The following PCDH7 variants were observed in gnomAD, a reference collection of about 807,000 sequenced individuals.
PCDH7 encodes the protein protocadherin 7, also known as protocadherin-7.
In PCDH7, 17 loss-of-function variants were observed where a neutral mutation model predicts 58.9. That is an observed-to-expected ratio of 0.29 (90% CI 0.20 to 0.43). PCDH7 has a LOEUF of 0.43. Ranked by LOEUF, PCDH7 falls within the 20% of genes least tolerant of loss-of-function variation. The probability of loss-of-function intolerance (pLI) is 1.00; values close to 1 mark genes in which losing one functional copy is unlikely to be tolerated. For missense variants in PCDH7, 1,274 were observed against 1,441.0 expected, an observed-to-expected ratio of 0.88 and a Z score of 1.88; for synonymous variants, 664 against 616.4, an observed-to-expected ratio of 1.08 and a Z score of -1.14.
At chr4:31,080,574 T>A (rs758386145) in intron 3 of PCDH7, among the ~76,000 whole-genome samples, 1 of 152,186 alleles carries the variant, frequency 6.6e-6, no homozygotes, top group African/African-American at 2.4e-5. Flanking sequence ...TATTGATAAT[T>A]AGAGTAAGAT....
chr4:31,081,700 T>C (rs1759521719), intron 3 of PCDH7, among the ~76,000 whole-genome samples: 1 of 152,126 alleles, frequency 6.6e-6, no homozygotes, highest in Non-Finnish European at 1.5e-5. Context: ...TTTAAGAAAG[T>C]CAAAAGTCAG....
intron 3 of PCDH7, among the ~76,000 whole-genome samples, chr4:30,987,199 C>T (rs1002442357): frequency 6.6e-6 from 1 of 151,970 alleles, no homozygotes; most frequent in Non-Finnish European, 1.5e-5. Flanking sequence ...AAACAAACAA[C>T]AACAAAAACA....
At chr4:30,736,541 T>TA (rs1413955145), downstream of PCDH7, among the ~76,000 whole-genome samples, 5 of 147,994 alleles carry the variant, frequency 3.4e-5, no homozygotes, top group South Asian at 2.1e-4. Context: ...ATTTATTTTT[T>TA]TTTTTTTTTT....
chr4:31,051,981 C>T (rs1470176115), intron 3 of PCDH7, among the ~76,000 whole-genome samples: 1 of 151,964 alleles, frequency 6.6e-6, no homozygotes, highest in Non-Finnish European at 1.5e-5. Flanking sequence ...GACTATTTTT[C>T]TGTGGTTTCA....
intron 3 of PCDH7, among the ~76,000 whole-genome samples, chr4:31,089,655 G>T (rs545295881): frequency 1.6e-4 from 25 of 152,050 alleles, no homozygotes; most frequent in African/African-American, 6.0e-4. Context: ...ACATATTTAC[G>T]TATGTTTTCT....
intron 2 of PCDH7, among the ~76,000 whole-genome samples, chr4:30,938,671 T>C (rs1334794611): frequency 6.6e-6 from 1 of 152,174 alleles, no homozygotes; most frequent in Non-Finnish European, 1.5e-5. Flanking sequence ...TGACAGTCTC[T>C]TAATATATTG....
chr4:31,034,645 A>T (rs550434689), intron 3 of PCDH7, among the ~76,000 whole-genome samples: 9 of 152,244 alleles, frequency 5.9e-5, no homozygotes, highest in African/African-American at 2.2e-4. Context: ...GAATTTTTTT[A>T]GGATTGTAAA....
intron 1 of PCDH7, among the ~76,000 whole-genome samples, chr4:30,754,142 A>T (rs1718944391): frequency 6.6e-6 from 1 of 150,806 alleles, no homozygotes; most frequent in Non-Finnish European, 1.5e-5. Context: ...AAAACTGTCA[A>T]GATTTGCTGC....
intron 1 of PCDH7, among the ~76,000 whole-genome samples, chr4:30,845,658 G>T (rs1325641953): frequency 6.6e-6 from 1 of 152,072 alleles, no homozygotes; most frequent in Non-Finnish European, 1.5e-5. Flanking sequence ...AGTATGCAGT[G>T]GTGCAGTCAC....
intron 1 of PCDH7, among the ~76,000 whole-genome samples, chr4:30,831,980 A>C (rs1161825486): frequency 6.6e-6 from 1 of 152,178 alleles, no homozygotes; most frequent in Non-Finnish European, 1.5e-5. Context: ...CCACTCATTG[A>C]GATCTAGCCA....
Position 30,721,499 on chromosome 4 carries a change from G to C in PCDH7, c.77G>C (p.Ser26Thr). The change falls in exon 1 of 2, where the codon AGC becomes ACC. Residue 26 changes from serine to threonine, a missense_variant. This residue lies in a region of PCDH7 where 212 missense variants were observed against 255.8 expected (regional missense o/e 0.83). Coordinates refer to ENST00000361762, the Ensembl canonical transcript of PCDH7. The surrounding 1 kb of genome is among the most constrained non-coding windows in gnomAD (Gnocchi z 6.7). The stretch of plus-strand genomic sequence containing the variant: ...TGCCTCCTCCTGCCGCTCTCGCTCA[G>C]CCTGGCGGCCGCCAAGCAGCTCCTC... 1 of 1,598,060 alleles carries C rather than the reference G, an allele frequency of 6.3e-7. No homozygotes were observed. The highest frequency in any genetic ancestry group is 8.5e-7 in the Non-Finnish European group (1 of 1,177,880).
chr4:31,044,264 G>A (rs188718848), intron 3 of PCDH7, among the ~76,000 whole-genome samples: 1 of 152,134 alleles, frequency 6.6e-6, no homozygotes, highest in East Asian at 1.9e-4. Context: ...TGGACTCTGG[G>A]ATTTTTATAC....
At chr4:30,864,282 C>G (rs1734584867) in intron 1 of PCDH7, among the ~76,000 whole-genome samples, 2 of 151,956 alleles carry the variant, frequency 1.3e-5, no homozygotes, top group South Asian at 4.1e-4. Context: ...GAATATGAGA[C>G]AGACATGTAA....
chr4:30,807,125 A>T (rs902222808), intron 1 of PCDH7, among the ~76,000 whole-genome samples: 20 of 152,186 alleles, frequency 1.3e-4, no homozygotes, highest in Non-Finnish European at 2.2e-4. Context: ...TTTTTGGAAA[A>T]TTGAGCAGTT....
chr4:30,747,396 C>T (rs1367937248), intron 1 of PCDH7, among the ~76,000 whole-genome samples: 2 of 152,182 alleles, frequency 1.3e-5, no homozygotes, highest in African/African-American at 4.8e-5. Context: ...TTAAATGGCT[C>T]TTACGGTCAA....
At chr4:30,988,172 C>T (rs1213169453) in intron 3 of PCDH7, among the ~76,000 whole-genome samples, 2 of 152,238 alleles carry the variant, frequency 1.3e-5, no homozygotes, top group East Asian at 3.9e-4. Context: ...AAACGTTAGA[C>T]ATCATGGTAG....
chr4:30,995,965 C>T (rs1751859551), intron 3 of PCDH7, among the ~76,000 whole-genome samples: 1 of 152,164 alleles, frequency 6.6e-6, no homozygotes, highest in South Asian at 2.1e-4. Flanking sequence ...CCACCCCATG[C>T]CATGTAACCT....
At chr4:30,985,314 A>G (rs569348506) in intron 3 of PCDH7, among the ~76,000 whole-genome samples, 10 of 152,288 alleles carry the variant, frequency 6.6e-5, no homozygotes, top group Non-Finnish European at 1.0e-4. Flanking sequence ...CAGAAGATCT[A>G]CTAATTATTT....
intron 1 of PCDH7, among the ~76,000 whole-genome samples, chr4:30,783,451 G>T (rs772955543): frequency 6.6e-6 from 1 of 152,042 alleles, no homozygotes; most frequent in Non-Finnish European, 1.5e-5. Flanking sequence ...ATCATTTTAC[G>T]TATTGCCAAT....
Sources: allele counts gnomAD v4.1 joint callset (sites outside exome capture counted in the v4.1 genomes callset), GRCh38; gene constraint gnomAD v4.1.1; regional missense constraint gnomAD v4.1.1; non-coding constraint Gnocchi (gnomAD v3.1); transcripts MANE v1.5; gene names NCBI Gene and HGNC (gene_info 2026-07-23, HGNC 2026-07-21).